Variants in PCDHGA4 observed in about 807,000 individuals in gnomAD.
PCDHGA4 encodes the protein protocadherin gamma subfamily A, 4.
A neutral mutation model predicts 54.6 loss-of-function variants in PCDHGA4; 38 were observed. The observed-to-expected ratio is 0.70, with a 90% confidence interval of 0.54 to 0.91. PCDHGA4 has a LOEUF of 0.91. PCDHGA4 is among the 40% of genes least tolerant of loss of function. The pLI is 0.00. For missense variants in PCDHGA4, 1,298 were observed against 1,220.9 expected, an observed-to-expected ratio of 1.06 and a Z score of -0.94; for synonymous variants, 511 against 512.9, an observed-to-expected ratio of 1.00 and a Z score of 0.05.
chr5:141,417,805 G>T, intron 1 of PCDHGA4: 1 of 1,499,292 alleles, frequency 6.7e-7, no homozygotes. Flanking sequence ...TAGCGCGGTA[G>T]AGTGCACTTT....
At chr5:141,361,786 T>A in intron 1 of PCDHGA4, 1 of 1,613,238 alleles carries the variant, frequency 6.2e-7, no homozygotes, top group Non-Finnish European at 8.5e-7. Context: ...CCTGCGCGTG[T>A]TAGTGGGCGA....
chr5:141,430,659 G>A, intron 1 of PCDHGA4: 1 of 1,110,600 alleles, frequency 9.0e-7, no homozygotes, highest in Non-Finnish European at 1.2e-6. Context: ...AACAACGGAG[G>A]AGCTCTGACT....
In PCDHGA4 at chr5:141,415,732, T is replaced by C. The variant is rs1159160519; in HGVS notation, c.2514+58111T>C. 4 of 1,411,138 alleles carry C rather than the reference T, an allele frequency of 2.8e-6. No individual in the cohort carries two copies. In the South Asian group the frequency reaches 5.0e-5, roughly 18 times the overall value. The allele number at this position is 1,411,138 out of a possible 1,614,324, so 87.4% of individuals were successfully genotyped here. ...AACACTGATGAGTAGAATTTGATGT[T>C]TATTAAGGTTTTTTTTTTTTTTTTT... On this transcript the variant is annotated intron_variant, in intron 1 of 3. Coordinates refer to ENST00000571252, the MANE Select transcript of PCDHGA4 (RefSeq NM_018917.4).
intron 3 of PCDHGA4, among the ~76,000 whole-genome samples, chr5:141,507,817 G>C (rs1038461861): frequency 3.3e-5 from 5 of 152,206 alleles, no homozygotes; most frequent in Non-Finnish European, 5.9e-5. Context: ...AACGGACCCT[G>C]GGGGTGGAGG....
intron 1 of PCDHGA4, chr5:141,410,428 C>A (rs376561050): frequency 5.0e-6 from 8 of 1,613,906 alleles, no homozygotes; most frequent in African/African-American, 1.3e-5. Flanking sequence ...TTCCCCCCAA[C>A]TACAGTGAGG....
chr5:141,502,601 A>G (rs2099815205), intron 2 of PCDHGA4, among the ~76,000 whole-genome samples: 1 of 152,218 alleles, frequency 6.6e-6, no homozygotes, highest in Non-Finnish European at 1.5e-5. Flanking sequence ...ATATTTTAAA[A>G]TATTTGTGAA....
In PCDHGA4 at chr5:141,489,906, C is replaced by T. The variant is rs550717535; in HGVS notation, c.2515-4901C>T. On this transcript the variant is annotated intron_variant, in intron 1 of 3. Transcript: ENST00000571252. The surrounding 1 kb of genome is among the most constrained non-coding windows in gnomAD (Gnocchi z 4.5). ...CTGTGGATGGGGGGACCCCAGCCCG[C>T]TCAGGGACCACCCTTATCTCTGTCA... 4.5e-5 allele frequency: 72 copies of T among 1,614,234 alleles called. No individual in the cohort carries two copies. In the African/African-American group the frequency reaches 5.6e-4, roughly 13 times the overall value.
rs779459928 is a variant in PCDHGA4, at chr5:141,375,433, C to G, written c.2514+17812C>G. 39 of 1,613,898 alleles carry G rather than the reference C, an allele frequency of 2.4e-5. No homozygotes were observed. The South Asian group carries it at 4.3e-4, about 18-fold the overall frequency. ...TGGCAGACACCAACGACAACCCGCC[C>G]ACCTTCCCCCATTCATCCTACTCAG... On this transcript the variant is annotated intron_variant, in intron 1 of 3. Coordinates refer to ENST00000571252, the MANE Select transcript of PCDHGA4 (RefSeq NM_018917.4).
chr5:141,474,244 A>G (rs910247549), intron 1 of PCDHGA4, among the ~76,000 whole-genome samples: 26 of 152,270 alleles, frequency 1.7e-4, no homozygotes, highest in Non-Finnish European at 3.2e-4. Context: ...TGAATAGGGG[A>G]AAAAAAGACT....
chr5:141,446,469 T>C (rs538381725), intron 1 of PCDHGA4, among the ~76,000 whole-genome samples: 2 of 149,740 alleles, frequency 1.3e-5, no homozygotes, highest in South Asian at 4.2e-4. Flanking sequence ...TGATTAGACA[T>C]ATGGTCATCA....
At chr5:141,369,791 C>T (rs1275823255) in intron 1 of PCDHGA4, among the ~76,000 whole-genome samples, 1 of 152,190 alleles carries the variant, frequency 6.6e-6, no homozygotes, top group African/African-American at 2.4e-5. Flanking sequence ...CTTTATACTA[C>T]GTCTTCTGCC....
intron 1 of PCDHGA4, chr5:141,421,816 C>T (rs981400135): frequency 1.2e-5 from 19 of 1,613,696 alleles, no homozygotes; most frequent in Non-Finnish European, 1.4e-5. Context: ...AGAGCTAGTA[C>T]TGGAGGGAAG....
intron 1 of PCDHGA4, chr5:141,400,372 A>G: frequency 6.2e-7 from 1 of 1,613,980 alleles, no homozygotes; most frequent in Non-Finnish European, 8.5e-7. Flanking sequence ...TTATTCCTAC[A>G]ACCTATGTGT....
In PCDHGA4 at chr5:141,432,293, G is replaced by C. The variant is rs765631138; in HGVS notation, c.2515-62514G>C. Reference sequence around the variant, plus strand: ...CTACGTGTCCATCAACTCCGACACTGGGGTACTGTATGCGCTGAGCTCCTT... The same window carrying C: ...CTACGTGTCCATCAACTCCGACACTCGGGTACTGTATGCGCTGAGCTCCTT... On this transcript the variant is annotated intron_variant, in intron 1 of 3. Coordinates refer to ENST00000571252, the MANE Select transcript of PCDHGA4 (RefSeq NM_018917.4). This position sits in a 1 kb window ranked among gnomAD's most constrained non-coding sequence, Gnocchi z 6.0. 6.2e-7 allele frequency: 1 copy of C among 1,614,254 alleles called. No individual in the cohort carries two copies.
intron 1 of PCDHGA4, chr5:141,394,893 G>T: frequency 4.3e-6 from 7 of 1,613,858 alleles, no homozygotes; most frequent in Non-Finnish European, 5.9e-6. Flanking sequence ...ACTCTATCTC[G>T]TGGTGGCAGT....
At chr5:141,443,481 G>C (rs1025329476) in intron 1 of PCDHGA4, among the ~76,000 whole-genome samples, 3 of 152,114 alleles carry the variant, frequency 2.0e-5, no homozygotes, top group African/African-American at 7.2e-5. Context: ...ATTAGACCCT[G>C]TCCCAAAACA....
rs536902009 is a variant in PCDHGA4, at chr5:141,361,669, G to T, written c.2514+4048G>T. 2.5e-6 allele frequency: 4 copies of T among 1,613,692 alleles called. No individual in the cohort carries two copies. The African/African-American group carries it at 4.0e-5, about 16-fold the overall frequency. ...CTACGTGTCCGTGAGCGCGCAGAGC[G>T]GGGTGGTGTTCGCGCAGCGCGCCTT... On this transcript the variant is annotated intron_variant, in intron 1 of 3. Transcript: ENST00000571252.
At chr5:141,502,118 G>A (rs897244225) in intron 2 of PCDHGA4, among the ~76,000 whole-genome samples, 3 of 152,108 alleles carry the variant, frequency 2.0e-5, no homozygotes, top group African/African-American at 7.2e-5. Context: ...CCTCAGCCAG[G>A]CCCACAGAGC....
intron 1 of PCDHGA4, chr5:141,484,931 A>T: frequency 4.0e-6 from 2 of 498,120 alleles, no homozygotes; most frequent in South Asian, 5.3e-5. Context: ...TGCTGTTGGG[A>T]CGTTCTCTGC....
Sources: gnomAD v4.1 joint callset for allele counts (sites outside exome capture counted in the v4.1 genomes callset) on GRCh38, gnomAD v4.1.1 for gene constraint, Gnocchi (gnomAD v3.1) non-coding constraint, MANE v1.5 for transcripts, NCBI Gene and HGNC (gene_info 2026-07-23, HGNC 2026-07-21) for gene names.